FHIT: variants seen among roughly 807,000 people sequenced by gnomAD.
The protein encoded by FHIT is fragile histidine triad diadenosine triphosphatase.
Under a neutral mutation model 17.9 loss-of-function variants are expected in FHIT, and 19 were observed. The observed-to-expected ratio is 1.06, with a 90% CI of 0.74 to 1.56. The LOEUF is 1.56. Ranked by LOEUF, FHIT falls within the 40% of genes most tolerant of loss-of-function variation. The pLI is 0.00. For synonymous variants in FHIT, 81 were observed against 69.7 expected, an observed-to-expected ratio of 1.16 and a Z score of -0.81; for missense variants, 248 against 189.2, an observed-to-expected ratio of 1.31 and a Z score of -1.82.
At chr3:60,941,675 C>T (rs1708412845) in intron 3 of FHIT, among the ~76,000 whole-genome samples, 1 of 152,190 alleles carries the variant, frequency 6.6e-6, no homozygotes, top group African/African-American at 2.4e-5. Context: ...ATGCGTTTAG[C>T]TCATACAAAT....
At chr3:60,214,973 A>T (rs961206226) in intron 5 of FHIT, among the ~76,000 whole-genome samples, 1 of 152,074 alleles carries the variant, frequency 6.6e-6, no homozygotes, top group Non-Finnish European at 1.5e-5. Context: ...CATTGAATAC[A>T]TATAGACACA....
chr3:60,806,517 C>G (rs1233824526), intron 4 of FHIT, among the ~76,000 whole-genome samples: 5 of 152,176 alleles, frequency 3.3e-5, no homozygotes, highest in African/African-American at 9.7e-5. Context: ...ACTGATTTGA[C>G]TTTTTCACAT....
intron 5 of FHIT, among the ~76,000 whole-genome samples, chr3:60,149,935 C>T (rs1438207819): frequency 2.0e-5 from 3 of 150,302 alleles, no homozygotes; most frequent in Non-Finnish European, 3.0e-5. Flanking sequence ...GGAGCTTCTG[C>T]AGCCATCCTG....
chr3:59,865,235 T>C (rs1702590825), intron 8 of FHIT, among the ~76,000 whole-genome samples: 1 of 152,258 alleles, frequency 6.6e-6, no homozygotes, highest in African/African-American at 2.4e-5. Flanking sequence ...AGCATTATTA[T>C]AGAAATACAT....
intron 4 of FHIT, among the ~76,000 whole-genome samples, chr3:60,611,912 C>G (rs2038797084): frequency 6.6e-6 from 1 of 152,126 alleles, no homozygotes; most frequent in African/African-American, 2.4e-5. Flanking sequence ...TGGCTCTGTT[C>G]TAGGCAGTCA....
intron 5 of FHIT, among the ~76,000 whole-genome samples, chr3:60,316,474 C>T (rs564989013): frequency 6.6e-6 from 1 of 151,988 alleles, no homozygotes; most frequent in East Asian, 1.9e-4. Flanking sequence ...AGTGAGTAAG[C>T]AAAAAATGCA....
At chr3:59,934,427 C>T (rs571229401) in intron 7 of FHIT, among the ~76,000 whole-genome samples, 1 of 152,150 alleles carries the variant, frequency 6.6e-6, no homozygotes, top group Admixed American at 6.5e-5. Context: ...AAGAGGGGCC[C>T]ATTAGAGAGA....
intron 4 of FHIT, among the ~76,000 whole-genome samples, chr3:60,559,773 C>G (rs1382601624): frequency 1.6e-5 from 2 of 121,674 alleles, no homozygotes; most frequent in Non-Finnish European, 1.8e-5. Flanking sequence ...CGGGCACTTA[C>G]ACCATTTCTT....
intron 4 of FHIT, among the ~76,000 whole-genome samples, chr3:60,715,868 T>C (rs893821349): frequency 2.0e-5 from 3 of 152,094 alleles, no homozygotes; most frequent in East Asian, 1.9e-4. Context: ...TACAGTAATA[T>C]AGTTTCGACC....
At chr3:60,070,946 A>C (rs113911681) in intron 5 of FHIT, among the ~76,000 whole-genome samples, 1 of 152,368 alleles carries the variant, frequency 6.6e-6, no homozygotes, top group African/African-American at 2.4e-5. Flanking sequence ...CTACCTGATG[A>C]CATGAAGACT....
At chr3:60,925,449 C>G (rs191692869) in intron 3 of FHIT, among the ~76,000 whole-genome samples, 2 of 152,292 alleles carry the variant, frequency 1.3e-5, no homozygotes, top group East Asian at 1.9e-4. Flanking sequence ...AATTTCATAT[C>G]TAGCCAAACT....
rs370365683 is a variant in FHIT, at chr3:59,784,189, C to G, written c.349-31868G>C. Among the ~76,000 whole-genome samples the G allele has an allele frequency of 1.1e-4, 17 of 152,260 alleles. No homozygotes were observed. In the East Asian group the frequency reaches 2.5e-3, roughly 22 times the overall value. On this transcript the variant is annotated intron_variant, in intron 8 of 9. Transcript: ENST00000492590. ...CTATGATATCCCTCATCCAGTCAAT[C>G]AAGAGATTTAACAGATTCTTCTTCT...
At chr3:60,612,194 A>G (rs2038806256) in intron 4 of FHIT, among the ~76,000 whole-genome samples, 1 of 152,176 alleles carries the variant, frequency 6.6e-6, no homozygotes, top group African/African-American at 2.4e-5. Context: ...CTTTATACAA[A>G]AGAAAAATGA....
intron 9 of FHIT, chr3:59,750,319 C>CTGCATAGAAAA (rs1700824460): frequency 4.4e-6 from 1 of 225,384 alleles, no homozygotes; most frequent in Non-Finnish European, 8.8e-6. Context: ...AAAATACCCA[C>CTGCATAGAAAA]TGCATAGAAA....
intron 5 of FHIT, among the ~76,000 whole-genome samples, chr3:60,306,480 G>A (rs369360606): frequency 7.9e-5 from 12 of 152,110 alleles, no homozygotes; most frequent in East Asian, 7.7e-4. Context: ...CAAAGAAAAC[G>A]TAAAACAGAT....
chr3:59,870,624 C>T (rs552436289), intron 8 of FHIT, among the ~76,000 whole-genome samples: 29 of 152,124 alleles, frequency 1.9e-4, no homozygotes, highest in Non-Finnish European at 4.0e-4. Flanking sequence ...AAGGAAGAAC[C>T]TGCAAGGTGC....
chr3:60,121,709 AACACACACACAC>A (rs57250663), intron 5 of FHIT, among the ~76,000 whole-genome samples: 8,119 of 116,356 alleles, frequency 0.07, 941 homozygotes, highest in East Asian at 0.48. Flanking sequence ...AAACAAAACA[AACACACACACAC>A]ACACACACAC....
chr3:60,109,344 C>T (rs2142301), intron 5 of FHIT, among the ~76,000 whole-genome samples: 68,624 of 151,930 alleles, frequency 0.45, 15,804 homozygotes, highest in East Asian at 0.61. Context: ...TGTCATCTCA[C>T]GCATCTCAGA....
chr3:59,777,989 A>T (rs967382455), intron 8 of FHIT, among the ~76,000 whole-genome samples: 4 of 152,196 alleles, frequency 2.6e-5, no homozygotes, highest in African/African-American at 9.6e-5. Context: ...TCATATGCAT[A>T]AATACTTTCT....
Sources: allele counts gnomAD v4.1 joint callset (sites outside exome capture counted in the v4.1 genomes callset), GRCh38; gene constraint gnomAD v4.1.1; transcripts MANE v1.5; gene names NCBI Gene and HGNC (gene_info 2026-07-23, HGNC 2026-07-21).